CCBE1: variants seen among roughly 807,000 people sequenced by gnomAD.
The protein encoded by CCBE1 is collagen and calcium binding EGF domains 1.
A neutral mutation model predicts 50.0 loss-of-function variants in CCBE1; 37 were observed. The ratio of observed to expected loss-of-function variants is 0.74; its 90% CI spans 0.57 to 0.97. The LOEUF (loss-of-function observed/expected upper bound fraction) is 0.97, where lower values mean the gene tolerates loss of function less well. CCBE1 is among the 50% of genes least tolerant of loss of function. CCBE1 has a pLI of 0.00. For synonymous variants in CCBE1, 234 were observed against 203.7 expected, an observed-to-expected ratio of 1.15 and a Z score of -1.27; for missense variants, 538 against 523.8, an observed-to-expected ratio of 1.03 and a Z score of -0.26.
chr18:59,566,263 A>G (rs2052825044), intron 2 of CCBE1, among the ~76,000 whole-genome samples: 1 of 151,954 alleles, frequency 6.6e-6, no homozygotes, highest in South Asian at 2.1e-4. Flanking sequence ...TAACATAACC[A>G]TTTTCATTAT....
intron 2 of CCBE1, among the ~76,000 whole-genome samples, chr18:59,565,360 G>A (rs1445913336): frequency 9.8e-6 from 1 of 101,628 alleles, no homozygotes; most frequent in Non-Finnish European, 1.9e-5. Context: ...TCAATGAAGA[G>A]CATCAGAGAA....
intron 3 of CCBE1, among the ~76,000 whole-genome samples, chr18:59,473,819 C>CG (rs370500972): frequency 1.4e-5 from 1 of 72,960 alleles, no homozygotes; most frequent in Non-Finnish European, 3.1e-5. Context: ...ACTATTCCCC[C>CG]CTACTACTCA....
chr18:59,569,136 C>T (rs1328328719), intron 2 of CCBE1, among the ~76,000 whole-genome samples: 2 of 152,206 alleles, frequency 1.3e-5, no homozygotes, highest in Non-Finnish European at 2.9e-5. Context: ...ACATGAGTGG[C>T]TACCCAGCAA....
chr18:59,601,028 T>C (rs1468338433), intron 2 of CCBE1, among the ~76,000 whole-genome samples: 1 of 95,510 alleles, frequency 1.0e-5, no homozygotes, highest in Non-Finnish European at 2.1e-5. Context: ...TTTTTTTTTT[T>C]TTTTTTTTTT....
chr18:59,665,373 A>C (rs541014796), intron 2 of CCBE1, among the ~76,000 whole-genome samples: 1 of 152,200 alleles, frequency 6.6e-6, no homozygotes, highest in Non-Finnish European at 1.5e-5. Flanking sequence ...CAGCCAGGCT[A>C]GATGGTTGGG....
chr18:59,628,171 C>T (rs2053811363), intron 2 of CCBE1, among the ~76,000 whole-genome samples: 1 of 152,138 alleles, frequency 6.6e-6, no homozygotes, highest in African/African-American at 2.4e-5. Context: ...GAATTTTGAT[C>T]GTGCCACTGC....
Position 59,455,020 on chromosome 18 carries a change from C to T in CCBE1, c.554-69G>A, listed in dbSNP as rs185023748. On this transcript the variant is annotated intron_variant, in intron 5 of 10. Transcript: ENST00000439986. ...CAAGCCAGACCCAGAGAGACAGCAT[C>T]GGGAAGGGCGGTCCCAGGGACAGAG... 2.9e-4 allele frequency: 358 copies of T among 1,220,786 alleles called. 4 individuals are homozygous for T. The Admixed American group carries it at 4.1e-3, about 14-fold the overall frequency. 75.6% of individuals were successfully genotyped at this position (1,220,786 alleles called of 1,614,324 possible). A position where few individuals can be genotyped will look rare whatever the true frequency, so the allele number is the denominator to read the frequency against.
intron 2 of CCBE1, among the ~76,000 whole-genome samples, chr18:59,525,341 T>C (rs1329391457): frequency 1.3e-5 from 2 of 152,252 alleles, no homozygotes; most frequent in African/African-American, 4.8e-5. Flanking sequence ...TGTTGAGCTT[T>C]TGCTCATATA....
chr18:59,469,200 C>T (rs1911902762), intron 4 of CCBE1, among the ~76,000 whole-genome samples: 1 of 152,202 alleles, frequency 6.6e-6, no homozygotes, highest in Admixed American at 6.5e-5. Context: ...CTCTGTTTTA[C>T]ATTATTCTAG....
chr18:59,653,847 G>C (rs761759226), intron 2 of CCBE1, among the ~76,000 whole-genome samples: 2 of 152,198 alleles, frequency 1.3e-5, no homozygotes, highest in Non-Finnish European at 2.9e-5. Flanking sequence ...GTAGGAAATC[G>C]TATCAGAGAT....
chr18:59,543,787 A>T (rs926744537), intron 2 of CCBE1, among the ~76,000 whole-genome samples: 1 of 140,524 alleles, frequency 7.1e-6, no homozygotes, highest in Non-Finnish European at 1.5e-5. Flanking sequence ...GTGAGCCAAG[A>T]TCGCGCCACT....
intron 2 of CCBE1, among the ~76,000 whole-genome samples, chr18:59,579,678 T>A (rs2053054652): frequency 6.6e-6 from 1 of 152,230 alleles, no homozygotes; most frequent in South Asian, 2.1e-4. Context: ...GCCACCTGCC[T>A]GGAGCATGCC....
At chr18:59,630,588 C>T (rs1304078167) in intron 2 of CCBE1, among the ~76,000 whole-genome samples, 1 of 152,146 alleles carries the variant, frequency 6.6e-6, no homozygotes. Context: ...CAGGCATTCT[C>T]ATGTCTGGTA....
intron 7 of CCBE1, among the ~76,000 whole-genome samples, chr18:59,442,682 C>G (rs6567084): frequency 0.13 from 20,170 of 152,116 alleles, 2,208 homozygotes; most frequent in African/African-American, 0.3. Flanking sequence ...GAGCCGAGAT[C>G]ATGCCACTGC....
At chr18:59,515,134 G>A (rs1014606140) in intron 2 of CCBE1, among the ~76,000 whole-genome samples, 9 of 152,350 alleles carry the variant, frequency 5.9e-5, no homozygotes, top group East Asian at 1.9e-4. Flanking sequence ...AGGGTAGGAA[G>A]AAAGAGGAGA....
At chr18:59,623,503 C>T (rs1029919189) in intron 2 of CCBE1, among the ~76,000 whole-genome samples, 2 of 152,218 alleles carry the variant, frequency 1.3e-5, no homozygotes, top group Admixed American at 1.3e-4. Flanking sequence ...TCACCTGCCT[C>T]TTACTGAGCA....
chr18:59,574,568 C>A (rs1363900639), intron 2 of CCBE1, among the ~76,000 whole-genome samples: 1 of 152,144 alleles, frequency 6.6e-6, no homozygotes, highest in Non-Finnish European at 1.5e-5. Flanking sequence ...CACATATATT[C>A]CACAAAAATA....
At chr18:59,592,895 G>T (rs1384877226) in intron 2 of CCBE1, among the ~76,000 whole-genome samples, 1 of 152,010 alleles carries the variant, frequency 6.6e-6, no homozygotes, top group Non-Finnish European at 1.5e-5. Context: ...CAGACAAATT[G>T]TAAGGGGGGT....
At chr18:59,581,849 C>A (rs537833640) in intron 2 of CCBE1, among the ~76,000 whole-genome samples, 5 of 152,190 alleles carry the variant, frequency 3.3e-5, no homozygotes, top group African/African-American at 1.2e-4. Flanking sequence ...TTGCCCAAAG[C>A]CCCCACCTCC....
Sources: allele counts gnomAD v4.1 joint callset (sites outside exome capture counted in the v4.1 genomes callset), GRCh38; gene constraint gnomAD v4.1.1; transcripts MANE v1.5; gene names NCBI Gene and HGNC (gene_info 2026-07-23, HGNC 2026-07-21).